The following STPG2 variants were observed in gnomAD, a reference collection of about 807,000 sequenced individuals.
The protein encoded by STPG2 is sperm-tail PG-rich repeat-containing protein 2.
A neutral mutation model predicts 54.2 loss-of-function variants in STPG2; 56 were observed. The ratio of observed to expected loss-of-function variants is 1.03; its 90% CI spans 0.83 to 1.29. STPG2 has a LOEUF of 1.29. Among genes scored for constraint, STPG2 ranks in the 50% most tolerant of loss-of-function variants. The pLI is 0.00. For missense variants in STPG2, 596 were observed against 544.9 expected, an observed-to-expected ratio of 1.09 and a Z score of -0.93; for synonymous variants, 200 against 181.8, an observed-to-expected ratio of 1.10 and a Z score of -0.81.
At chr4:97,819,336 T>G (rs1191891618) in intron 9 of STPG2, among the ~76,000 whole-genome samples, 1 of 152,094 alleles carries the variant, frequency 6.6e-6, no homozygotes, top group Non-Finnish European at 1.5e-5. Flanking sequence ...TAATTAATTT[T>G]TACACAACAG....
At chr4:97,956,392 G>A (rs1180771590) in intron 7 of STPG2, among the ~76,000 whole-genome samples, 2 of 152,088 alleles carry the variant, frequency 1.3e-5, no homozygotes, top group Non-Finnish European at 2.9e-5. Flanking sequence ...ATAAGAAAAA[G>A]TGGATAATGG....
rs943093568 is a variant in STPG2 at position 97,762,337 on chromosome 4, C to A, written c.1205-49523G>T. ...CTTTTGAGATAAGGCACACTCTGTG[C>A]TGTTCCCTAGTGACCAATCTTTACG... On this transcript the variant is annotated intron_variant, in intron 9 of 10. Coordinates refer to ENST00000295268, the MANE Select transcript of STPG2 (RefSeq NM_174952.3). Among the ~76,000 whole-genome samples the A allele has an allele frequency of 2.0e-5, 3 of 152,174 alleles. No individual in the cohort carries two copies. In the East Asian group the frequency reaches 5.8e-4, roughly 29 times the overall value.
chr4:97,905,092 G>T (rs1343168615), intron 8 of STPG2, among the ~76,000 whole-genome samples: 1 of 151,854 alleles, frequency 6.6e-6, no homozygotes, highest in African/African-American at 2.4e-5. Flanking sequence ...TTCAGATTCA[G>T]GAAGTACAGA....
intron 9 of STPG2, among the ~76,000 whole-genome samples, chr4:97,728,092 C>A (rs1724678845): frequency 6.6e-6 from 1 of 151,920 alleles, no homozygotes; most frequent in African/African-American, 2.4e-5. Flanking sequence ...CATGTAATAA[C>A]TTCAGATGGC....
At chr4:97,890,748 TTTATCA>T (rs1478958406) in intron 8 of STPG2, among the ~76,000 whole-genome samples, 4 of 151,920 alleles carry the variant, frequency 2.6e-5, no homozygotes, top group African/African-American at 7.2e-5. Flanking sequence ...TTACCCTAAT[TTTATCA>T]TTATACACTA....
downstream of STPG2, among the ~76,000 whole-genome samples, chr4:97,557,053 C>T (rs201451021): frequency 5.3e-5 from 8 of 152,102 alleles, no homozygotes; most frequent in East Asian, 3.9e-4. Context: ...TGGTGGCACA[C>T]GCCTGTAGTC....
chr4:97,808,445 G>A (rs1463833257), intron 9 of STPG2, among the ~76,000 whole-genome samples: 3 of 151,460 alleles, frequency 2.0e-5, no homozygotes, highest in South Asian at 2.1e-4. Context: ...TATCCACTAC[G>A]ATAAAAATAA....
chr4:98,038,857 A>C (rs1426303109), intron 5 of STPG2, among the ~76,000 whole-genome samples: 3 of 152,032 alleles, frequency 2.0e-5, no homozygotes, highest in Non-Finnish European at 4.4e-5. Flanking sequence ...GAATATGAAC[A>C]GGAATTCATA....
intron 4 of STPG2, among the ~76,000 whole-genome samples, chr4:97,521,369 G>A (rs1731177166): frequency 6.6e-6 from 1 of 152,036 alleles, no homozygotes; most frequent in Non-Finnish European, 1.5e-5. Context: ...CTCATATTCT[G>A]TTGAGTCAGT....
intron 9 of STPG2, among the ~76,000 whole-genome samples, chr4:97,781,799 A>T (rs1340958258): frequency 6.6e-6 from 1 of 152,168 alleles, no homozygotes; most frequent in East Asian, 1.9e-4. Flanking sequence ...AATAAACGTA[A>T]TCCAGCATAT....
At chr4:98,002,427 T>G (rs1735439568) in intron 5 of STPG2, among the ~76,000 whole-genome samples, 2 of 152,046 alleles carry the variant, frequency 1.3e-5, no homozygotes, top group Admixed American at 1.3e-4. Flanking sequence ...TCCCATATCT[T>G]CTGCTCAAAG....
At chr4:97,552,856 C>T (rs1731995650) in intron 4 of STPG2, among the ~76,000 whole-genome samples, 1 of 152,096 alleles carries the variant, frequency 6.6e-6, no homozygotes, top group South Asian at 2.1e-4. Context: ...ACTAGTAGTT[C>T]AGTGAAATCA....
At chr4:97,480,152 A>T (rs1730182498) in intron 4 of STPG2, among the ~76,000 whole-genome samples, 1 of 151,746 alleles carries the variant, frequency 6.6e-6, no homozygotes, top group Admixed American at 6.6e-5. Flanking sequence ...TAGACAAATA[A>T]GGGAAAATTA....
chr4:98,118,579 C>T (rs547241482), intron 3 of STPG2, among the ~76,000 whole-genome samples: 9 of 152,164 alleles, frequency 5.9e-5, no homozygotes, highest in African/African-American at 1.9e-4. Flanking sequence ...GTATAGATTT[C>T]TTACTCTGTC....
intron 8 of STPG2, among the ~76,000 whole-genome samples, chr4:97,861,877 G>A (rs1290417166): frequency 1.3e-5 from 2 of 152,060 alleles, no homozygotes; most frequent in African/African-American, 4.8e-5. Flanking sequence ...AATGCTGAGA[G>A]ATTTTGTCAC....
At chr4:97,811,487 TA>T (rs1727739711) in intron 9 of STPG2, among the ~76,000 whole-genome samples, 4 of 152,124 alleles carry the variant, frequency 2.6e-5, no homozygotes, top group African/African-American at 9.7e-5. Flanking sequence ...TATTTAAACA[TA>T]GTTCCATTGT....
intron 5 of STPG2, among the ~76,000 whole-genome samples, chr4:98,058,027 C>A (rs901045889): frequency 6.6e-6 from 1 of 152,140 alleles, no homozygotes; most frequent in African/African-American, 2.4e-5. Flanking sequence ...TACCACCAGA[C>A]CTGCCTTACA....
intron 8 of STPG2, among the ~76,000 whole-genome samples, chr4:97,941,834 G>T (rs1186833618): frequency 1.3e-5 from 2 of 151,892 alleles, no homozygotes; most frequent in Non-Finnish European, 2.9e-5. Context: ...CCTGTTTGAA[G>T]TGTATTGTCA....
intron 10 of STPG2, among the ~76,000 whole-genome samples, chr4:97,645,012 T>C (rs777229930): frequency 2.7e-4 from 41 of 152,152 alleles, no homozygotes; most frequent in Admixed American, 7.2e-4. Flanking sequence ...CTGGGAAAGC[T>C]AAAGGAAGCT....
Sources: gnomAD v4.1 joint callset for allele counts (sites outside exome capture counted in the v4.1 genomes callset) on GRCh38, gnomAD v4.1.1 for gene constraint, MANE v1.5 for transcripts, NCBI Gene and HGNC (gene_info 2026-07-23, HGNC 2026-07-21) for gene names.